The following NFKBID variants were observed in gnomAD, a reference collection of about 807,000 sequenced individuals.
NFKBID encodes NF-kappa-B inhibitor delta.
NFKBID carries 26 observed loss-of-function variants against 53.4 expected under a neutral mutation model. The observed-to-expected ratio is 0.49, with a 90% CI of 0.36 to 0.68. NFKBID has a LOEUF of 0.68. Ranked by LOEUF, NFKBID falls within the 30% of genes least tolerant of loss-of-function variation. The probability of loss-of-function intolerance (pLI) is 0.00; values close to 1 mark genes in which losing one functional copy is unlikely to be tolerated. For missense variants in NFKBID, 493 were observed against 614.1 expected (o/e 0.80, Z 2.08); for synonymous variants, 262 against 259.8 (o/e 1.01, Z -0.08).
At chr19:35,901,979 CTGCACTCACTTCCTTGG>C (rs1975578964), upstream of NFKBID, 6 of 595,994 alleles carry the variant, frequency 1.0e-5, no homozygotes, top group Non-Finnish European at 1.8e-5. Flanking sequence ...AGAATCCTGT[CTGCACTCACTTCCTTGG>C]TGATCTCACC....
At chr19:35,891,585 T>C (rs1161677281) in intron 9 of NFKBID, among the ~76,000 whole-genome samples, 1 of 152,162 alleles carries the variant, frequency 6.6e-6, no homozygotes, top group Non-Finnish European at 1.5e-5. Flanking sequence ...GTTCTTTTTT[T>C]TCGAAGGGCA....
intron 1 of NFKBID, among the ~76,000 whole-genome samples, chr19:35,899,484 G>A (rs570395260): frequency 9.6e-4 from 145 of 150,964 alleles, no homozygotes; most frequent in Middle Eastern, 3.4e-3. Context: ...AACCCGGGAG[G>A]CGGAGGTTGA....
intron 9 of NFKBID, among the ~76,000 whole-genome samples, chr19:35,895,726 C>T (rs1207873984): frequency 6.6e-6 from 1 of 152,156 alleles, no homozygotes; most frequent in Admixed American, 6.5e-5. Context: ...ATCACTTGAA[C>T]CCGGGATGCA....
chr19:35,900,279 C>T (rs570383025), intron 1 of NFKBID, among the ~76,000 whole-genome samples, 163 bp downstream of exon 1: 93 of 151,948 alleles, frequency 6.1e-4, no homozygotes, highest in African/African-American at 1.9e-3. Context: ...AGCCGCCCCT[C>T]TGTCACGATC....
rs76269758 is a variant in NFKBID, at chr19:35,891,576, T to C, written c.1033-1086A>G. 0.014 allele frequency among the ~76,000 whole-genome samples: 2,104 copies of C among 152,194 alleles called. 133 individuals are homozygous for C. The East Asian group carries it at 0.18, about 13-fold the overall frequency. The stretch of plus-strand genomic sequence containing the variant: ...AGCAATGATACTGAGGTTTAAAAAG[T>C]TCTTTTTTTTCGAAGGGCACAGGGG... On this transcript the variant is annotated intron_variant, in intron 9 of 11. Transcript: ENST00000641389.
At position 35,890,067 on chromosome 19, in the gene NFKBID, G is replaced by A. The variant is rs986722209; in HGVS notation, c.1150-13C>T. ...TGTTCCCGTGGGCCTGGAAAAGTAA[G>A]GGGAGGGCTGGTGGGGATCTGGGCT... On this transcript the variant is annotated splice_polypyrimidine_tract_variant and intron_variant, in intron 10 of 11. Transcript: ENST00000641389. 3.1e-6 allele frequency: 5 copies of A among 1,590,362 alleles called. No homozygotes were observed. The highest frequency in any genetic ancestry group is 3.6e-5 in the Admixed American group (2 of 55,908).
chr19:35,900,357 C>T (rs1381759895), intron 1 of NFKBID, 85 bp downstream of exon 1: 3 of 1,045,234 alleles, frequency 2.9e-6, no homozygotes, highest in South Asian at 4.8e-5. Flanking sequence ...CGCTTCAGCT[C>T]CGTCCCTCAG....
chr19:35,896,241 T>C lies in NFKBID; in HGVS notation c.860A>G (p.Asp287Gly). 6.2e-7 allele frequency: 1 copy of C among 1,614,170 alleles called. No individual in the cohort carries two copies. Among genetic ancestry groups the C allele is most frequent in the Non-Finnish European group, 8.5e-7 (1 of 1,180,016 alleles). The stretch of plus-strand genomic sequence containing the variant: ...ACCCTCGAAGTCTCTGGCTTCCAGG[T>C]CAACCTGGACCCCAGAGTTAAGCAC... Residue 287 changes from aspartate (D) to glycine (G), a missense_variant, in exon 8 of 12, where the codon GAC (aspartate) becomes GGC (glycine). Transcript: ENST00000641389. The surrounding 1 kb of genome is among the most constrained non-coding windows in gnomAD (Gnocchi z 5.7).
Position 35,898,453 on chromosome 19 carries a change from G to T in NFKBID, c.226+19C>A. On this transcript the variant is annotated intron_variant, in intron 3 of 11. Coordinates refer to ENST00000641389, the Ensembl canonical transcript of NFKBID. Reference sequence around the variant, plus strand: ...CTTAGGGAAGGGGGATGGGGAGGCCGGGAGCTGAGAGAACTTACCAGTCAC... The same window carrying T: ...CTTAGGGAAGGGGGATGGGGAGGCCTGGAGCTGAGAGAACTTACCAGTCAC... The T allele has an allele frequency of 6.6e-7, 1 of 1,513,744 alleles. No individual in the cohort carries two copies. The highest frequency in any genetic ancestry group is 8.9e-7 in the Non-Finnish European group (1 of 1,127,550). 93.8% of individuals were successfully genotyped at this position (1,513,744 alleles called of 1,614,324 possible).
chr19:35,889,971 T>C, exon 11 of NFKBID: 1 of 1,611,444 alleles, frequency 6.2e-7, no homozygotes. Context: ...CCGCCCCAGC[T>C]GCCAACAGGT....
chr19:35,896,362 G>A lies in NFKBID; in HGVS notation c.831+30C>T. ...ATCTGGGCAACCAGTCTACCCCCCAGACAAACCCCTGCCTGCCAGCTGGCC... is the reference window on the plus strand; with the variant it reads ...ATCTGGGCAACCAGTCTACCCCCCAAACAAACCCCTGCCTGCCAGCTGGCC... On this transcript the variant is annotated intron_variant, in intron 7 of 11. Transcript: ENST00000641389. The surrounding 1 kb of genome is among the most constrained non-coding windows in gnomAD (Gnocchi z 5.7). 1 of 1,614,068 alleles carries A rather than the reference G, an allele frequency of 6.2e-7. No individual in the cohort carries two copies. Among genetic ancestry groups the A allele is most frequent in the Non-Finnish European group, 8.5e-7 (1 of 1,179,982 alleles).
chr19:35,895,559 T>C lies in NFKBID; in HGVS notation c.1032+421A>G, dbSNP rs572559791. ...GCTCACGCCTGTAATCACAGCACTTTGGGAGGCCAAGGCAGGTGGATCACC... is the reference window on the plus strand; with the variant it reads ...GCTCACGCCTGTAATCACAGCACTTCGGGAGGCCAAGGCAGGTGGATCACC... On this transcript the variant is annotated intron_variant, in intron 9 of 11. Transcript: ENST00000641389. 7.2e-5 allele frequency among the ~76,000 whole-genome samples: 11 copies of C among 152,174 alleles called. No individual in the cohort carries two copies. The East Asian group carries it at 1.9e-3, about 27-fold the overall frequency.
At chr19:35,897,476 T>C (rs1975260366) in intron 4 of NFKBID, 175 bp downstream of exon 4, 1 of 653,990 alleles carries the variant, frequency 1.5e-6, no homozygotes, top group African/African-American at 1.8e-5. Flanking sequence ...ACGCCTGACC[T>C]CAAGTGATCC....
At chr19:35,900,137 C>T (rs1262042289) in intron 1 of NFKBID, among the ~76,000 whole-genome samples, 13 of 139,700 alleles carry the variant, frequency 9.3e-5, no homozygotes, top group Non-Finnish European at 1.7e-4. Context: ...GTCTCGGTTG[C>T]CAGCAACCCC....
upstream of NFKBID, chr19:35,902,025 T>C: frequency 1.6e-6 from 1 of 624,706 alleles, no homozygotes; most frequent in South Asian, 1.8e-5. Context: ...TGGCTTTAAG[T>C]ACCATCCATA....
chr19:35,898,756 C>T, exon 2 of NFKBID: 2 of 1,536,076 alleles, frequency 1.3e-6, no homozygotes, highest in South Asian at 1.2e-5. Flanking sequence ...CTGCTGGCGG[C>T]GCCTCTGCTC....
intron 2 of NFKBID, 81 bp downstream of exon 2, chr19:35,898,638 C>A: frequency 7.0e-7 from 1 of 1,428,296 alleles, no homozygotes; most frequent in South Asian, 1.3e-5. Flanking sequence ...CCCCTCTCAT[C>A]AGCCCCGAGG....
At chr19:35,899,623 G>A (rs1975432739) in intron 1 of NFKBID, 1 of 146,552 alleles carries the variant, frequency 6.8e-6, no homozygotes, top group Admixed American at 6.9e-5. Flanking sequence ...CCAGGAATCT[G>A]GACCCTCAGT....
chr19:35,897,953 A>T, intron 3 of NFKBID, 97 bp from the exon 4 acceptor site: 3 of 799,584 alleles, frequency 3.8e-6, no homozygotes, highest in African/African-American at 1.7e-5. Flanking sequence ...AGGTACTGAG[A>T]GTTAGTACTT....
Sources: allele counts gnomAD v4.1 joint callset (sites outside exome capture counted in the v4.1 genomes callset), GRCh38; gene constraint gnomAD v4.1.1; non-coding constraint Gnocchi (gnomAD v3.1); transcripts MANE v1.5; gene names NCBI Gene and HGNC (gene_info 2026-07-23, HGNC 2026-07-21).